Variants in C8A observed in about 807,000 individuals in gnomAD.
C8A encodes the protein complement component C8 alpha chain.
A neutral mutation model predicts 65.3 loss-of-function variants in C8A; 67 were observed. The ratio of observed to expected loss-of-function variants is 1.03; its 90% CI spans 0.84 to 1.26. C8A has a LOEUF of 1.26. Among genes scored for constraint, C8A ranks in the 50% most tolerant of loss-of-function variants. The pLI, the probability that C8A is intolerant of heterozygous loss-of-function variation, is 0.00. For synonymous variants in C8A, 290 were observed against 259.4 expected (o/e 1.12, Z -1.13); for missense variants, 781 against 723.9 (o/e 1.08, Z -0.90).
chr1:56,910,594 C>T (rs1391195821), intron 9 of C8A, among the ~76,000 whole-genome samples: 1 of 152,218 alleles, frequency 6.6e-6, no homozygotes, highest in Non-Finnish European at 1.5e-5. Flanking sequence ...AGAAGGCCAA[C>T]AGGGCAGCCT....
rs1054159777 is a variant in C8A, at chr1:56,877,305, C to G, written c.464+1096C>G. 2.6e-4 allele frequency among the ~76,000 whole-genome samples: 40 copies of G among 152,104 alleles called. 1 individual carries two copies. Among genetic ancestry groups the G allele is most frequent in the African/African-American group, 9.4e-4 (39 of 41,430 alleles). On this transcript the variant is annotated intron_variant, in intron 4 of 10. Transcript: ENST00000361249. ...AGACTAGTACACCGAGGTACCATCT[C>G]CCCTAGGTAGTCTTTGTAACAGCCC...
intron 1 of C8A, among the ~76,000 whole-genome samples, chr1:56,859,894 T>C (rs1344574313): frequency 1.3e-5 from 2 of 152,090 alleles, no homozygotes; most frequent in Admixed American, 1.3e-4. Context: ...AAACTCTGTC[T>C]CTACTAAAAA....
At chr1:56,875,330 A>G (rs1644188098) in intron 3 of C8A, among the ~76,000 whole-genome samples, 4 of 152,174 alleles carry the variant, frequency 2.6e-5, no homozygotes. Flanking sequence ...CAATTCATTC[A>G]TTCACCCACT....
At position 56,908,111 on chromosome 1, in the gene C8A, G is replaced by A. The variant is rs746518345; in HGVS notation, c.1378G>A (p.Glu460Lys). The A allele has an allele frequency of 6.2e-7, 1 of 1,614,144 alleles. No individual in the cohort carries two copies. The highest frequency in any genetic ancestry group is 1.1e-5 in the South Asian group (1 of 91,082). ...LKYNPVVIDF[E>K]MQPIHEVLRH... ...GTATAATCCTGTTGTTATCGATTTT[G>A]AGGTAAGTCTTTTCGCAGTTGAAGA... is the stretch of plus-strand genomic sequence containing the variant. The change falls in exon 9 of 11, where the codon GAG becomes AAG. Residue 460 changes from glutamate (E) to lysine (K), a missense_variant and splice_region_variant. By Grantham distance (56) the Glu-to-Lys change is moderately conservative. Coordinates refer to ENST00000361249, the MANE Select transcript of C8A (RefSeq NM_000562.3).
At chr1:56,860,806 A>C (rs1644026558) in intron 1 of C8A, among the ~76,000 whole-genome samples, 3 of 152,188 alleles carry the variant, frequency 2.0e-5, no homozygotes, top group African/African-American at 2.4e-5. Flanking sequence ...TAAGGGTGAA[A>C]AAAGCAGAAA....
intron 2 of C8A, 55 bp downstream of exon 2, chr1:56,867,757 C>T (rs889315853): frequency 7.8e-7 from 1 of 1,280,134 alleles, no homozygotes; most frequent in Non-Finnish European, 1.1e-6. Context: ...GTGTATTAGG[C>T]ATTCAAATGG....
chr1:56,879,804 C>T (rs1002271035), intron 4 of C8A, among the ~76,000 whole-genome samples: 3 of 152,154 alleles, frequency 2.0e-5, no homozygotes, highest in African/African-American at 7.2e-5. Context: ...AGGAAGTTAA[C>T]ATACATTGAA....
chr1:56,910,995 A>AT (rs148427170), intron 9 of C8A, among the ~76,000 whole-genome samples: 15,506 of 151,882 alleles, frequency 0.1, 1,233 homozygotes, highest in African/African-American at 0.22. Context: ...CCTTTTATGA[A>AT]GTATTAACAT....
chr1:56,908,904 C>T (rs78922511), intron 9 of C8A, among the ~76,000 whole-genome samples: 2,269 of 152,288 alleles, frequency 0.015, 40 homozygotes, highest in South Asian at 0.044. Context: ...TTTTCCTCCA[C>T]AGAGGAAATA....
At chr1:56,916,115 C>A (rs1403865782) in intron 10 of C8A, among the ~76,000 whole-genome samples, 1 of 152,172 alleles carries the variant, frequency 6.6e-6, no homozygotes, top group Non-Finnish European at 1.5e-5. Context: ...CAGTGGCAGG[C>A]AGGCTGAGAC....
chr1:56,875,898 G>T (rs1644193619), intron 3 of C8A, among the ~76,000 whole-genome samples, 164 bp from the exon 4 acceptor site: 1 of 152,146 alleles, frequency 6.6e-6, no homozygotes, highest in African/African-American at 2.4e-5. Context: ...GGAGGCTGCA[G>T]ACAGGAGCTC....
chr1:56,869,767 T>C (rs1261507761), intron 2 of C8A, among the ~76,000 whole-genome samples: 1 of 152,208 alleles, frequency 6.6e-6, no homozygotes, highest in Non-Finnish European at 1.5e-5. Flanking sequence ...AGCTGTTTTT[T>C]AATAATTATC....
intron 6 of C8A, among the ~76,000 whole-genome samples, chr1:56,885,598 T>C (rs1644293314): frequency 6.7e-6 from 1 of 149,090 alleles, no homozygotes; most frequent in Non-Finnish European, 1.5e-5. Context: ...AGTCTTGCTC[T>C]ATTGCCAGGC....
chr1:56,872,418 TA>T (rs1557699882), intron 2 of C8A, among the ~76,000 whole-genome samples: 1 of 152,156 alleles, frequency 6.6e-6, no homozygotes, highest in African/African-American at 2.4e-5. Context: ...AAATAACATG[TA>T]ACATTAGTTG....
intron 2 of C8A, among the ~76,000 whole-genome samples, chr1:56,874,531 G>C (rs935011082): frequency 2.0e-5 from 3 of 152,182 alleles, no homozygotes; most frequent in Non-Finnish European, 4.4e-5. Flanking sequence ...ATTGCTCACA[G>C]TCTGGTGGGA....
chr1:56,890,856 A>G (rs1040698010), intron 7 of C8A, among the ~76,000 whole-genome samples: 6 of 152,036 alleles, frequency 3.9e-5, no homozygotes, highest in African/African-American at 1.4e-4. Flanking sequence ...TCTGTTTGTT[A>G]TATCACCCTA....
At chr1:56,858,349 C>T (rs1485603442) in intron 1 of C8A, among the ~76,000 whole-genome samples, 1 of 152,064 alleles carries the variant, frequency 6.6e-6, no homozygotes, top group Non-Finnish European at 1.5e-5. Flanking sequence ...CAATTTAACC[C>T]TTATTACATT....
chr1:56,887,178 A>G (rs1644306482), intron 7 of C8A, among the ~76,000 whole-genome samples: 1 of 152,178 alleles, frequency 6.6e-6, no homozygotes, highest in Non-Finnish European at 1.5e-5. Flanking sequence ...CAACACATAC[A>G]TAAAATTCCA....
At chr1:56,885,555 G>GTTTTTTTTTTTTTTTT (rs201414278) in intron 6 of C8A, among the ~76,000 whole-genome samples, 1 of 127,844 alleles carries the variant, frequency 7.8e-6, no homozygotes, top group Non-Finnish European at 1.6e-5. Flanking sequence ...TTTCTTTTTT[G>GTTTTTTTTTTTTTTTT]TTTTTTTTTG....
Sources: gnomAD v4.1 joint callset for allele counts (sites outside exome capture counted in the v4.1 genomes callset) on GRCh38, gnomAD v4.1.1 for gene constraint, MANE v1.5 for transcripts, NCBI Gene and HGNC (gene_info 2026-07-23, HGNC 2026-07-21) for gene names.